The following CACNA1B variants were observed in gnomAD, a reference collection of about 807,000 sequenced individuals.
CACNA1B encodes the protein calcium voltage-gated channel subunit alpha1 B, also known as voltage-dependent N-type calcium channel subunit alpha-1B.
Under a neutral mutation model 247.2 loss-of-function variants are expected in CACNA1B, and 70 were observed. The observed-to-expected ratio is 0.28, with a 90% CI of 0.23 to 0.35. The LOEUF is 0.35. CACNA1B is among the 10% of genes least tolerant of loss of function. CACNA1B has a pLI of 1.00. For synonymous variants in CACNA1B, 1,231 were observed against 1,294.4 expected (o/e 0.95, Z 1.05); for missense variants, 2,367 against 3,197.4 (o/e 0.74, Z 6.26).
chr9:137,957,546 T>C lies in CACNA1B; in HGVS notation c.1244-52T>C. 1 of 1,367,002 alleles carries C rather than the reference T, an allele frequency of 7.3e-7. No individual in the cohort carries two copies. The allele number at this position is 1,367,002 out of a possible 1,614,324, so 84.7% of individuals were successfully genotyped here. A position where few individuals can be genotyped will look rare whatever the true frequency, so the allele number is the denominator to read the frequency against. On this transcript the variant is annotated intron_variant, in intron 9 of 46. Transcript: ENST00000371372. This position sits in a 1 kb window ranked among gnomAD's most constrained non-coding sequence, Gnocchi z 4.7. Reference sequence around the variant, plus strand: ...TGATCCCATGCCCCGCTGAGGCAGGTGGCCTGAGGGCTGCAGCTCAGGCAG... The same window carrying C: ...TGATCCCATGCCCCGCTGAGGCAGGCGGCCTGAGGGCTGCAGCTCAGGCAG...
chr9:138,116,399 C>T (rs748684534), intron 42 of CACNA1B, among the ~76,000 whole-genome samples: 1 of 152,176 alleles, frequency 6.6e-6, no homozygotes, highest in Non-Finnish European at 1.5e-5. Context: ...CCACTGTGGC[C>T]CAGAAAAGTG....
chr9:137,917,011 G>GGA lies in CACNA1B; in HGVS notation c.776-226_776-225dup, dbSNP rs1957420401. 6.6e-6 allele frequency among the ~76,000 whole-genome samples: 1 copy of GGA among 152,136 alleles called. No individual in the cohort carries two copies. On this transcript the variant is annotated intron_variant, in intron 5 of 46. Transcript: ENST00000371372. This position sits in a 1 kb window ranked among gnomAD's most constrained non-coding sequence, Gnocchi z 5.5. ...GATGGTGGGCAGGTTCCAGTAGGAGGGAGAGGCCAGCCGTTACTCCCTGAG... is the reference window on the plus strand; with the variant it reads ...GATGGTGGGCAGGTTCCAGTAGGAGGGAGAGAGGCCAGCCGTTACTCCCTGAG...
chr9:138,068,954 CTGTTTGTGGTCG>C (rs1456663760), intron 31 of CACNA1B, among the ~76,000 whole-genome samples: 1 of 152,220 alleles, frequency 6.6e-6, no homozygotes, highest in Non-Finnish European at 1.5e-5. Context: ...CGAGGCCGGG[CTGTTTGTGGTCG>C]TGTCAGACCC....
At position 137,883,361 on chromosome 9, in the gene CACNA1B, T is replaced by C. The variant is rs868752314; in HGVS notation, c.530+478T>C. On this transcript the variant is annotated intron_variant, in intron 3 of 46. Transcript: ENST00000371372. ...GTGTCCACCTCGCTCAGAGCCCTTG[T>C]GCTGCCTGGGATGAGGCTGTGTGTG... 4.1e-3 allele frequency among the ~76,000 whole-genome samples: 619 copies of C among 152,286 alleles called. 4 individuals are homozygous for C. The highest frequency in any genetic ancestry group is 0.013 in the African/African-American group (542 of 41,548).
intron 3 of CACNA1B, among the ~76,000 whole-genome samples, chr9:137,910,989 T>TTTC (rs1251230633): frequency 6.6e-6 from 1 of 152,234 alleles, no homozygotes; most frequent in Non-Finnish European, 1.5e-5. Flanking sequence ...TTCCCCTATG[T>TTTC]TTCTTCTAAG....
intron 12 of CACNA1B, among the ~76,000 whole-genome samples, chr9:137,981,947 G>T (rs531984041): frequency 6.6e-6 from 1 of 152,142 alleles, no homozygotes; most frequent in Non-Finnish European, 1.5e-5. Flanking sequence ...TGTTAAGTGC[G>T]CTTTAGCCCT....
intron 10 of CACNA1B, among the ~76,000 whole-genome samples, chr9:137,962,375 G>T (rs375429268): frequency 2.2e-5 from 3 of 138,252 alleles, no homozygotes; most frequent in East Asian, 2.2e-4. Flanking sequence ...GATTTTTCAT[G>T]TTTTCTATCT....
intron 31 of CACNA1B, among the ~76,000 whole-genome samples, chr9:138,060,600 G>A (rs1215898620): frequency 6.6e-6 from 1 of 152,164 alleles, no homozygotes; most frequent in African/African-American, 2.4e-5. Context: ...TTAGGCTGAG[G>A]GCTGCACCTG....
rs201816272 is a variant in CACNA1B at position 138,105,825 on chromosome 9, G to A, written c.5428+18G>A. 8.7e-6 allele frequency: 12 copies of A among 1,381,762 alleles called. No homozygotes were observed. Among genetic ancestry groups the A allele is most frequent in the Admixed American group, 2.0e-5 (1 of 50,958 alleles). 85.6% of individuals were successfully genotyped at this position (1,381,762 alleles called of 1,614,324 possible). On this transcript the variant is annotated intron_variant, in intron 39 of 46. Transcript: ENST00000371372. ...GGCCCCAGGTGAGCAAGGCAGCCTC[G>A]GAAGGAGGGCCCTGGACCCAGGGAT...
intron 19 of CACNA1B, 105 bp downstream of exon 19, chr9:138,023,916 C>A: frequency 1.6e-6 from 1 of 630,010 alleles, no homozygotes; most frequent in East Asian, 3.1e-5. Flanking sequence ...GCTGCAGCCC[C>A]GGCCACGCTG....
intron 6 of CACNA1B, among the ~76,000 whole-genome samples, chr9:137,930,402 T>A (rs912590096): frequency 6.6e-6 from 1 of 152,244 alleles, no homozygotes; most frequent in Non-Finnish European, 1.5e-5. Context: ...GAGAGTTACC[T>A]GTTATCTTTC....
At chr9:137,964,093 C>T (rs1958049749) in intron 10 of CACNA1B, among the ~76,000 whole-genome samples, 1 of 152,202 alleles carries the variant, frequency 6.6e-6, no homozygotes, top group Non-Finnish European at 1.5e-5. Flanking sequence ...TTGCAGGTGA[C>T]CTGGCCTTTC....
chr9:137,913,355 G>GTCCGTGGTGAGGGTAGGA lies in CACNA1B; in HGVS notation c.622+84_622+85insTCCGTGGTGAGGGTAGGA. On this transcript the variant is annotated intron_variant, in intron 4 of 46. Coordinates refer to ENST00000371372, the MANE Select transcript of CACNA1B (RefSeq NM_000718.4). This position sits in a 1 kb window ranked among gnomAD's most constrained non-coding sequence, Gnocchi z 5.2. ...TCACCACGGACATGGCCATGGCCAT[G>GTCCGTGGTGAGGGTAGGA]GTTTGGCTTTGGTGACTCTGAGCTT... 3.6e-6 allele frequency: 4 copies of GTCCGTGGTGAGGGTAGGA among 1,122,116 alleles called. No individual in the cohort carries two copies. Among genetic ancestry groups the GTCCGTGGTGAGGGTAGGA allele is most frequent in the Non-Finnish European group, 3.9e-6 (3 of 759,562 alleles). The allele number at this position is 1,122,116 out of a possible 1,614,324, so 69.5% of individuals were successfully genotyped here.
chr9:138,079,254 G>A (rs754684722), intron 36 of CACNA1B, among the ~76,000 whole-genome samples: 1 of 152,132 alleles, frequency 6.6e-6, no homozygotes, highest in African/African-American at 2.4e-5. Flanking sequence ...GAGCACTGAC[G>A]TAGGGGAAGA....
intron 15 of CACNA1B, among the ~76,000 whole-genome samples, chr9:138,001,013 T>A (rs771039042): frequency 2.0e-5 from 3 of 152,216 alleles, no homozygotes; most frequent in East Asian, 3.8e-4. Context: ...GGTGTTTTTT[T>A]ATCTGCATCA....
chr9:137,987,709 G>A (rs1246620936), intron 15 of CACNA1B, among the ~76,000 whole-genome samples: 1 of 152,144 alleles, frequency 6.6e-6, no homozygotes, highest in Non-Finnish European at 1.5e-5. Flanking sequence ...TCTCTCGAAG[G>A]GAGGAAGTCT....
At position 137,881,002 on chromosome 9, in the gene CACNA1B, C is replaced by T. The variant is rs1956909670; in HGVS notation, c.391-1742C>T. Among the ~76,000 whole-genome samples, 1 of 152,238 alleles carries T rather than the reference C, an allele frequency of 6.6e-6. No homozygotes were observed. The highest frequency in any genetic ancestry group is 2.4e-5 in the African/African-American group (1 of 41,478). ...CCTCCCACCTAAGCCAGCCTTCAGC[C>T]ATGGGCTGGGCAGGGCAGAGCTGTG... On this transcript the variant is annotated intron_variant, in intron 2 of 46. Transcript: ENST00000371372. The surrounding 1 kb of genome is among the most constrained non-coding windows in gnomAD (Gnocchi z 4.3).
rs1056703931 is a variant in CACNA1B at position 138,023,660 on chromosome 9, G to A, written c.2917G>A (p.Glu973Lys). Residue 973 changes from glutamate (E) to lysine (K), a missense_variant, in exon 19 of 47, where the codon GAG (glutamate) becomes AAG (lysine). Transcript: ENST00000371372. ...GGGGCCCCGGGAGGCGGAGAGCGGG[G>A]AGGAGCCGGCGCGGCGGCACCGGGC... ...RAGPREAESGEEPARRHRARH... is the reference protein window; with the variant it reads ...RAGPREAESGKEPARRHRARH... 36 of 1,488,020 alleles carry A rather than the reference G, an allele frequency of 2.4e-5. No individual in the cohort carries two copies. Among genetic ancestry groups the A allele is most frequent in the African/African-American group, 2.9e-5 (2 of 67,888 alleles). The allele number at this position is 1,488,020 out of a possible 1,614,324, so 92.2% of individuals were successfully genotyped here.
intron 3 of CACNA1B, among the ~76,000 whole-genome samples, chr9:137,908,637 T>C (rs777134213): frequency 2.0e-5 from 3 of 152,152 alleles, no homozygotes; most frequent in Non-Finnish European, 4.4e-5. Flanking sequence ...TAATTATTAT[T>C]ATTATTTTTT....
Sources: gnomAD v4.1 joint callset for allele counts (sites outside exome capture counted in the v4.1 genomes callset) on GRCh38, gnomAD v4.1.1 for gene constraint, Gnocchi (gnomAD v3.1) non-coding constraint, MANE v1.5 for transcripts, NCBI Gene and HGNC (gene_info 2026-07-23, HGNC 2026-07-21) for gene names.